Variants in IL1RN observed in about 807,000 individuals in gnomAD.
IL1RN encodes interleukin 1 receptor antagonist, also known as interleukin-1 receptor antagonist protein.
Under a neutral mutation model 13.7 loss-of-function variants are expected in IL1RN, and 10 were observed. That is an observed-to-expected ratio of 0.73 (90% confidence interval 0.45 to 1.24). The LOEUF (loss-of-function observed/expected upper bound fraction) is 1.24. IL1RN is among the 50% of genes most tolerant of loss of function. IL1RN has a pLI of 0.00. For synonymous variants in IL1RN, 102 were observed against 82.7 expected (o/e 1.23, Z -1.27); for missense variants, 213 against 222.1 (o/e 0.96, Z 0.26).
chr2:113,114,314 C>A (rs767693326), upstream of IL1RN, among the ~76,000 whole-genome samples: 10 of 152,132 alleles, frequency 6.6e-5, no homozygotes, highest in Non-Finnish European at 1.2e-4. Context: ...ATTCAGGAGT[C>A]CTCAGTTTGA....
chr2:113,120,092 G>A (rs1185790315), exon 2 of IL1RN: 2 of 1,613,330 alleles, frequency 1.2e-6, no homozygotes, highest in South Asian at 1.1e-5. Flanking sequence ...AGGAGGTGGA[G>A]GAGGAGGAGA....
upstream of IL1RN, among the ~76,000 whole-genome samples, chr2:113,109,411 TAAA>T (rs35727625): frequency 1.1e-4 from 15 of 133,074 alleles, no homozygotes; most frequent in Admixed American, 1.5e-4. Context: ...AAACGCCATC[TAAA>T]AAAAAAAAAA....
Position 113,133,218 on chromosome 2 carries a change from G to T in IL1RN, c.*347G>T. 1 of 395,180 alleles carries T rather than the reference G, an allele frequency of 2.5e-6. No homozygotes were observed. Among genetic ancestry groups the T allele is most frequent in the South Asian group, 2.2e-5 (1 of 45,430 alleles). The allele number at this position is 395,180 out of a possible 1,614,324, so 24.5% of individuals were successfully genotyped here. On this transcript the variant is annotated 3_prime_UTR_variant, in exon 4 of 4. Transcript: ENST00000409930. ...TTCCTCCCTCATTCCACCTTCCCAT[G>T]CCCTGGATCCATCAGGCCACTTGAT...
At chr2:113,111,098 T>C (rs1573275433), upstream of IL1RN, 1 of 152,364 alleles carries the variant, frequency 6.6e-6, no homozygotes, top group East Asian at 1.9e-4. Flanking sequence ...ATAAGCATTG[T>C]TTCTTACATT....
intron 1 of IL1RN, among the ~76,000 whole-genome samples, chr2:113,127,945 C>T (rs977552651): frequency 6.6e-6 from 1 of 152,206 alleles, no homozygotes; most frequent in Non-Finnish European, 1.5e-5. Flanking sequence ...GATAGTGCGA[C>T]CGGAGGGCTG....
upstream of IL1RN, among the ~76,000 whole-genome samples, chr2:113,124,448 CT>C (rs1363849468): frequency 6.8e-6 from 1 of 147,842 alleles, no homozygotes; most frequent in Non-Finnish European, 1.5e-5. Context: ...AGCCCCCCCC[CT>C]TTGGAGTCAG....
intron 1 of IL1RN, among the ~76,000 whole-genome samples, chr2:113,118,702 T>A (rs943678431): frequency 5.3e-5 from 8 of 152,206 alleles, no homozygotes; most frequent in African/African-American, 1.9e-4. Flanking sequence ...ACTCTCAGGA[T>A]CATTGGTATG....
upstream of IL1RN, chr2:113,127,582 C>T (rs1181522283): frequency 6.2e-7 from 1 of 1,609,780 alleles, no homozygotes; most frequent in African/African-American, 1.3e-5. Flanking sequence ...AACCACAACT[C>T]TGGGCCCGCA....
chr2:113,125,370 G>A (rs950099550), upstream of IL1RN, among the ~76,000 whole-genome samples: 1 of 152,138 alleles, frequency 6.6e-6, no homozygotes, highest in Non-Finnish European at 1.5e-5. Flanking sequence ...TTCTTCTTTG[G>A]CCCTCATAGG....
chr2:113,123,339 A>C (rs1307425934), upstream of IL1RN, among the ~76,000 whole-genome samples: 1 of 152,164 alleles, frequency 6.6e-6, no homozygotes, highest in Non-Finnish European at 1.5e-5. Flanking sequence ...ACTCCTGGGG[A>C]CATGTGCTGG....
chr2:113,128,912 G>A (rs754868965), intron 1 of IL1RN, among the ~76,000 whole-genome samples: 2 of 152,204 alleles, frequency 1.3e-5, no homozygotes, highest in Non-Finnish European at 2.9e-5. Flanking sequence ...ACTGGCTGAG[G>A]TAGAGAGGAA....
chr2:113,121,508 A>G (rs183717534), intron 2 of IL1RN: 54 of 985,480 alleles, frequency 5.5e-5, no homozygotes, highest in Non-Finnish European at 6.3e-5. Flanking sequence ...ACCGCTGAAA[A>G]CACAAGATAA....
At chr2:113,112,112 C>A (rs1444128772) in intron 1 of IL1RN, among the ~76,000 whole-genome samples, 2 of 152,238 alleles carry the variant, frequency 1.3e-5, no homozygotes, top group Non-Finnish European at 2.9e-5. Flanking sequence ...GTAGGCCAGT[C>A]TCTCCAGGAA....
At chr2:113,126,476 C>T (rs1210323599), upstream of IL1RN, among the ~76,000 whole-genome samples, 1 of 152,216 alleles carries the variant, frequency 6.6e-6, no homozygotes, top group Admixed American at 6.5e-5. Flanking sequence ...GCAACGTATG[C>T]TTCTGCACCA....
rs1040844468 is a variant in IL1RN, at chr2:113,118,113, C to A, written c.10+85C>A. On this transcript the variant is annotated intron_variant, in intron 1 of 5. Transcript: ENST00000259206. Reference sequence around the variant, plus strand: ...TTGGTGTTTATCAAATGCTTTCAGGCTCTGGTGAGCAAGCGTCCAGGAAAA... The same window carrying A: ...TTGGTGTTTATCAAATGCTTTCAGGATCTGGTGAGCAAGCGTCCAGGAAAA... The A allele has an allele frequency of 5.0e-6, 8 of 1,606,766 alleles. No individual in the cohort carries two copies. The East Asian group carries it at 1.8e-4, about 36-fold the overall frequency.
chr2:113,102,788 G>A (rs1220953519), upstream of IL1RN, among the ~76,000 whole-genome samples: 2 of 152,180 alleles, frequency 1.3e-5, no homozygotes, highest in African/African-American at 2.4e-5. Flanking sequence ...AAGGTTAATC[G>A]CTCAGTTAAG....
At chr2:113,101,862 A>G in the IL1RN span, among the ~76,000 whole-genome samples, 3 of 151,960 alleles carry the variant, frequency 2.0e-5, no homozygotes, top group Non-Finnish European at 4.4e-5. Flanking sequence ...CCACCTCCCC[A>G]GTTCAAGTGA....
upstream of IL1RN, among the ~76,000 whole-genome samples, chr2:113,122,877 G>A (rs7559671): frequency 6.6e-6 from 1 of 152,154 alleles, no homozygotes; most frequent in Non-Finnish European, 1.5e-5. Context: ...TGTAATCCCA[G>A]CACTTTGGGA....
upstream of IL1RN, among the ~76,000 whole-genome samples, chr2:113,105,497 G>T (rs1217116376): frequency 6.6e-6 from 1 of 152,148 alleles, no homozygotes; most frequent in African/African-American, 2.4e-5. Flanking sequence ...TTCACAGTTT[G>T]CCACTCAAAC....
Sources: allele counts gnomAD v4.1 joint callset (sites outside exome capture counted in the v4.1 genomes callset), GRCh38; gene constraint gnomAD v4.1.1; transcripts MANE v1.5; gene names NCBI Gene and HGNC (gene_info 2026-07-23, HGNC 2026-07-21).